The following STARD13 variants were observed in gnomAD, a reference collection of about 807,000 sequenced individuals.
STARD13 encodes stAR-related lipid transfer protein 13.
A neutral mutation model predicts 106.4 loss-of-function variants in STARD13; 62 were observed. The ratio of observed to expected loss-of-function variants is 0.58; its 90% CI spans 0.48 to 0.72. The LOEUF (loss-of-function observed/expected upper bound fraction) is 0.72, where lower values mean the gene tolerates loss of function less well. Ranked by LOEUF, STARD13 falls within the 30% of genes least tolerant of loss-of-function variation. STARD13 has a pLI of 0.00. For missense variants in STARD13, 1,387 were observed against 1,424.0 expected, an observed-to-expected ratio of 0.97 and a Z score of 0.42; for synonymous variants, 565 against 553.0, an observed-to-expected ratio of 1.02 and a Z score of -0.31.
At chr13:33,412,607 G>T in the STARD13 span, among the ~76,000 whole-genome samples, 1 of 151,922 alleles carries the variant, frequency 6.6e-6, no homozygotes, top group African/African-American at 2.4e-5. Flanking sequence ...GATACAGGCA[G>T]GTTGAAAGTA....
intron 4 of STARD13, among the ~76,000 whole-genome samples, chr13:33,140,365 T>C (rs1454708984): frequency 1.3e-5 from 2 of 152,260 alleles, no homozygotes; most frequent in East Asian, 3.8e-4. Flanking sequence ...ATAGGAACCA[T>C]GTGTTCCAAT....
the STARD13 span, among the ~76,000 whole-genome samples, chr13:33,665,082 C>T: frequency 1.3e-5 from 2 of 152,196 alleles, no homozygotes; most frequent in Non-Finnish European, 2.9e-5. Flanking sequence ...CTGTGGCGAG[C>T]ATTTCAGGGT....
chr13:33,142,110 C>T lies in STARD13; in HGVS notation c.387+200G>A, dbSNP rs114628670. ...GTGGCATGATCATGGCTCACTGCAG[C>T]CTCAACCTTCTGGGTTCAAGCAATG... is the stretch of plus-strand genomic sequence containing the variant. On this transcript the variant is annotated intron_variant, in intron 4 of 13. Coordinates refer to ENST00000336934, the MANE Select transcript of STARD13 (RefSeq NM_178006.4). Among the ~76,000 whole-genome samples, 1,014 of 152,252 alleles carry T rather than the reference C, an allele frequency of 6.7e-3. 9 individuals carry two copies. The highest frequency in any genetic ancestry group is 0.023 in the African/African-American group (976 of 41,546).
At chr13:33,210,225 C>T (rs1219491315) in intron 1 of STARD13, among the ~76,000 whole-genome samples, 1 of 152,188 alleles carries the variant, frequency 6.6e-6, no homozygotes, top group Non-Finnish European at 1.5e-5. Flanking sequence ...ACTTACTGCA[C>T]ATCAAGGGAG....
chr13:33,606,136 C>G, the STARD13 span, among the ~76,000 whole-genome samples: 1 of 152,078 alleles, frequency 6.6e-6, no homozygotes, highest in Non-Finnish European at 1.5e-5. Context: ...CCCATCTCTA[C>G]TAAAAATAAC....
the STARD13 span, among the ~76,000 whole-genome samples, chr13:33,555,825 T>C: frequency 6.6e-6 from 1 of 152,218 alleles, no homozygotes; most frequent in African/African-American, 2.4e-5. Flanking sequence ...ATAAGTTAGG[T>C]AAATGGACTT....
chr13:33,622,051 C>T, the STARD13 span, among the ~76,000 whole-genome samples: 7 of 151,810 alleles, frequency 4.6e-5, no homozygotes, highest in African/African-American at 1.5e-4. Context: ...GTGATCCACC[C>T]GCCTTAGCCT....
chr13:33,360,504 G>A, the STARD13 span, among the ~76,000 whole-genome samples: 755 of 151,762 alleles, frequency 5.0e-3, 6 homozygotes, highest in African/African-American at 0.017. Context: ...GCTCCTGGCC[G>A]GCAGTCGATT....
chr13:33,505,266 A>T, the STARD13 span, among the ~76,000 whole-genome samples: 1 of 152,184 alleles, frequency 6.6e-6, no homozygotes, highest in African/African-American at 2.4e-5. Context: ...AGAATAAGGG[A>T]GGTAAAAATT....
intron 6 of STARD13, 112 bp from the exon 7 acceptor site, chr13:33,126,352 C>T (rs867923528): frequency 7.0e-6 from 7 of 1,003,720 alleles, no homozygotes; most frequent in East Asian, 4.8e-5. Context: ...CCAACAGATG[C>T]GGGGTGAATT....
At chr13:33,335,507 G>A (rs918445806) in intron 1 of STARD13, among the ~76,000 whole-genome samples, 1 of 152,236 alleles carries the variant, frequency 6.6e-6, no homozygotes, top group South Asian at 2.1e-4. Context: ...TAAGTCATGA[G>A]AGTCATGCTG....
intron 1 of STARD13, among the ~76,000 whole-genome samples, chr13:33,297,413 A>C (rs1228745210): frequency 6.6e-6 from 1 of 152,186 alleles, no homozygotes; most frequent in Non-Finnish European, 1.5e-5. Flanking sequence ...CAATGACCTT[A>C]AAACCCTCTC....
the STARD13 span, among the ~76,000 whole-genome samples, chr13:33,655,048 G>T: frequency 6.6e-6 from 1 of 152,166 alleles, no homozygotes; most frequent in Admixed American, 6.5e-5. Flanking sequence ...TAACTGCATG[G>T]CATTTTACAA....
At chr13:33,674,252 G>A in the STARD13 span, among the ~76,000 whole-genome samples, 1 of 152,178 alleles carries the variant, frequency 6.6e-6, no homozygotes, top group East Asian at 1.9e-4. Flanking sequence ...TTCATGAAGA[G>A]TTGCATTCCC....
chr13:33,400,850 G>A, the STARD13 span, among the ~76,000 whole-genome samples: 11 of 152,196 alleles, frequency 7.2e-5, no homozygotes, highest in South Asian at 2.3e-3. Context: ...GTGCATTTCA[G>A]CACATGTAAA....
chr13:33,364,465 T>C, the STARD13 span, among the ~76,000 whole-genome samples: 1 of 152,200 alleles, frequency 6.6e-6, no homozygotes, highest in Admixed American at 6.5e-5. Flanking sequence ...TTATCATGAA[T>C]TTAACGTGCA....
the STARD13 span, among the ~76,000 whole-genome samples, chr13:33,660,409 G>T: frequency 6.6e-6 from 1 of 152,198 alleles, no homozygotes; most frequent in Admixed American, 6.5e-5. Context: ...TAGGAAAGTT[G>T]CCAAATCTTA....
chr13:33,287,200 G>T (rs1349864338), upstream of STARD13, among the ~76,000 whole-genome samples: 1 of 152,120 alleles, frequency 6.6e-6, no homozygotes, highest in Non-Finnish European at 1.5e-5. Flanking sequence ...TTTAAATTAG[G>T]ACTTTGATTC....
chr13:33,592,755 A>C, the STARD13 span, among the ~76,000 whole-genome samples: 3,798 of 152,028 alleles, frequency 0.025, 63 homozygotes, highest in Middle Eastern at 0.054. Flanking sequence ...TGAGAATTTG[A>C]GTAACTTAAT....
Sources: allele counts gnomAD v4.1 joint callset (sites outside exome capture counted in the v4.1 genomes callset), GRCh38; gene constraint gnomAD v4.1.1; transcripts MANE v1.5; gene names NCBI Gene and HGNC (gene_info 2026-07-23, HGNC 2026-07-21).